Variants in CLEC2A observed in about 807,000 individuals in gnomAD.
The protein encoded by CLEC2A is C-type lectin domain family 2 member A, also known as keratinocyte-associated C-type lectin.
Under a neutral mutation model 18.6 loss-of-function variants are expected in CLEC2A, and 19 were observed. The ratio of observed to expected loss-of-function variants is 1.02; its 90% CI spans 0.71 to 1.50. The LOEUF is 1.50. Among genes scored for constraint, CLEC2A ranks in the 40% most tolerant of loss-of-function variants. The pLI is 0.00. For missense variants in CLEC2A, 190 were observed against 207.9 expected, an observed-to-expected ratio of 0.91 and a Z score of 0.53; for synonymous variants, 74 against 64.0, an observed-to-expected ratio of 1.16 and a Z score of -0.75.
intron 2 of CLEC2A, among the ~76,000 whole-genome samples, chr12:9,923,236 G>GA (rs1169821053): frequency 6.6e-6 from 1 of 152,006 alleles, no homozygotes; most frequent in South Asian, 2.1e-4. Context: ...AAATTTACAA[G>GA]AAAAAAACAA....
the CLEC2A span, among the ~76,000 whole-genome samples, chr12:9,891,703 C>T: frequency 2.0e-5 from 3 of 152,016 alleles, no homozygotes; most frequent in Non-Finnish European, 4.4e-5. Context: ...TCAGCATTGG[C>T]CACTCTTGCC....
At chr12:9,892,956 T>C in the CLEC2A span, 9 of 1,275,374 alleles carry the variant, frequency 7.1e-6, no homozygotes, top group Non-Finnish European at 9.6e-6. Flanking sequence ...TCACATTTGA[T>C]AATATTTCTA....
At chr12:9,892,905 A>AG in the CLEC2A span, 1 of 854,782 alleles carries the variant, frequency 1.2e-6, no homozygotes. Flanking sequence ...TTATTGACCA[A>AG]AAAAAAAAAA....
intron 3 of CLEC2A, among the ~76,000 whole-genome samples, chr12:9,918,340 A>G (rs1468935964): frequency 1.3e-5 from 2 of 152,162 alleles, no homozygotes; most frequent in Non-Finnish European, 1.5e-5. Flanking sequence ...TTCCAGCACA[A>G]TTGATTAAAT....
At chr12:9,911,001 T>G (rs573113747), downstream of CLEC2A, among the ~76,000 whole-genome samples, 779 of 152,218 alleles carry the variant, frequency 5.1e-3, 9 homozygotes, top group African/African-American at 0.018. Flanking sequence ...TGCAGAAGGG[T>G]GCTGCCTGCA....
Position 9,913,298 on chromosome 12 carries a change from G to C in CLEC2A, c.*268C>G. On this transcript the variant is annotated 3_prime_UTR_variant, in exon 5 of 5. Coordinates refer to ENST00000455827, the MANE Select transcript of CLEC2A (RefSeq NM_001130711.2). The stretch of plus-strand genomic sequence containing the variant: ...CTAATCACCAGTGTGATGGTATTAG[G>C]GGATGGAGCCATCCATCAGGAGGTG... 2.5e-6 allele frequency: 1 copy of C among 392,362 alleles called. No homozygotes were observed. The highest frequency in any genetic ancestry group is 4.2e-6 in the Non-Finnish European group (1 of 236,782). The allele number at this position is 392,362 out of a possible 1,614,324, so 24.3% of individuals were successfully genotyped here.
At chr12:9,899,576 C>T (rs1862797460) in intron 4 of CLEC2A, among the ~76,000 whole-genome samples, 1 of 152,162 alleles carries the variant, frequency 6.6e-6, no homozygotes, top group African/African-American at 2.4e-5. Context: ...ACCTTTTTCC[C>T]TCTTCCATCT....
At chr12:9,910,573 CT>C (rs1862969599), downstream of CLEC2A, among the ~76,000 whole-genome samples, 1 of 152,156 alleles carries the variant, frequency 6.6e-6, no homozygotes, top group Non-Finnish European at 1.5e-5. Flanking sequence ...CAATCTTCTC[CT>C]TTTGTTTTGT....
the CLEC2A span, chr12:9,881,560 AT>A: frequency 1.4e-6 from 2 of 1,401,626 alleles, no homozygotes; most frequent in Non-Finnish European, 1.9e-6. Context: ...TCTTTGTACT[AT>A]TTTCTGGATA....
chr12:9,928,979 G>A (rs1863326201), intron 1 of CLEC2A, among the ~76,000 whole-genome samples: 1 of 151,766 alleles, frequency 6.6e-6, no homozygotes, highest in African/African-American at 2.4e-5. Context: ...TCCTGTTCTG[G>A]CATGTGATAT....
intron 4 of CLEC2A, among the ~76,000 whole-genome samples, chr12:9,899,833 T>C (rs1862801457): frequency 6.6e-6 from 1 of 152,232 alleles, no homozygotes; most frequent in African/African-American, 2.4e-5. Context: ...CACACTCACC[T>C]GCATTCTGCC....
chr12:9,898,990 C>T, intron 4 of CLEC2A: 1 of 712,040 alleles, frequency 1.4e-6, no homozygotes, highest in Middle Eastern at 2.3e-4. Context: ...AAAGCAAGAA[C>T]AGACAAACCG....
At chr12:9,931,803 T>A (rs1863379787) in intron 1 of CLEC2A, among the ~76,000 whole-genome samples, 1 of 152,232 alleles carries the variant, frequency 6.6e-6, no homozygotes, top group South Asian at 2.1e-4. Context: ...GGTGTTTGTA[T>A]GTGTACCTTG....
rs1272799020 is a variant in CLEC2A at position 9,916,742 on chromosome 12, CCTT to C, written c.365_367del (p.Gln122_Gly123delinsArg). The C allele has an allele frequency of 1.7e-5, 26 of 1,551,192 alleles. No individual in the cohort carries two copies. The highest frequency in any genetic ancestry group is 2.3e-5 in the Non-Finnish European group (26 of 1,146,590). On this transcript the variant is annotated inframe_deletion, in exon 4 of 5. Transcript: ENST00000455827. ...GCCATTTGTCCATTTCCAAGAATCT[CCTT>C]GTTTCCTGCTTAGTCCAATCCAGTG...
the CLEC2A span, among the ~76,000 whole-genome samples, chr12:9,891,035 C>T: frequency 6.6e-6 from 1 of 151,190 alleles, no homozygotes; most frequent in South Asian, 2.1e-4. Context: ...AGACACTTGT[C>T]CCCTCCTTTT....
intron 3 of CLEC2A, among the ~76,000 whole-genome samples, chr12:9,919,267 C>T (rs1258970726): frequency 6.6e-6 from 1 of 152,212 alleles, no homozygotes; most frequent in Non-Finnish European, 1.5e-5. Flanking sequence ...TGGTCTTTTG[C>T]TTTTCTCCTG....
intron 3 of CLEC2A, among the ~76,000 whole-genome samples, chr12:9,921,603 A>G (rs1863174082): frequency 6.6e-6 from 1 of 152,080 alleles, no homozygotes; most frequent in African/African-American, 2.4e-5. Flanking sequence ...AAACAAACAA[A>G]CAAACAAAAA....
chr12:9,898,279 C>T (rs1202008944), downstream of CLEC2A, among the ~76,000 whole-genome samples: 1 of 152,210 alleles, frequency 6.6e-6, no homozygotes, highest in Non-Finnish European at 1.5e-5. Flanking sequence ...AAAAGTGAAA[C>T]TCACATTTGT....
intron 1 of CLEC2A, among the ~76,000 whole-genome samples, chr12:9,930,241 C>G (rs1347966032): frequency 1.3e-5 from 2 of 152,130 alleles, no homozygotes; most frequent in African/African-American, 4.8e-5. Context: ...AATTAGGTCC[C>G]AACCTACCGA....
Sources: gnomAD v4.1 joint callset for allele counts (sites outside exome capture counted in the v4.1 genomes callset) on GRCh38, gnomAD v4.1.1 for gene constraint, MANE v1.5 for transcripts, NCBI Gene and HGNC (gene_info 2026-07-23, HGNC 2026-07-21) for gene names.